CTNND2: variants seen among roughly 807,000 people sequenced by gnomAD.
CTNND2 encodes the protein catenin delta 2, also known as catenin delta-2.
In CTNND2, 22 loss-of-function variants were observed where a neutral mutation model predicts 144.4. The ratio of observed to expected loss-of-function variants is 0.15; its 90% CI spans 0.11 to 0.22. The LOEUF is 0.22. Ranked by LOEUF, CTNND2 falls within the 10% of genes least tolerant of loss-of-function variation. CTNND2 has a pLI of 1.00. For synonymous variants in CTNND2, 751 were observed against 695.6 expected (o/e 1.08, Z -1.25); for missense variants, 1,353 against 1,618.8 (o/e 0.84, Z 2.82).
intron 7 of CTNND2, among the ~76,000 whole-genome samples, chr5:11,379,924 T>C (rs1313358173): frequency 1.3e-5 from 2 of 152,144 alleles, no homozygotes; most frequent in Non-Finnish European, 2.9e-5. Flanking sequence ...TACCACTCTG[T>C]CTTTGCTCAA....
intron 1 of CTNND2, among the ~76,000 whole-genome samples, chr5:11,795,536 G>A (rs1171684722): frequency 6.6e-6 from 1 of 152,164 alleles, no homozygotes; most frequent in Non-Finnish European, 1.5e-5. Flanking sequence ...GGAGACCAGT[G>A]AGGAGTCAGA....
chr5:11,654,426 C>CA (rs557087140), intron 2 of CTNND2, among the ~76,000 whole-genome samples: 1 of 151,992 alleles, frequency 6.6e-6, no homozygotes, highest in Non-Finnish European at 1.5e-5. Flanking sequence ...TTATACTTCT[C>CA]AGAGTATAGA....
chr5:11,795,190 C>T (rs1183045497), intron 1 of CTNND2, among the ~76,000 whole-genome samples: 2 of 152,142 alleles, frequency 1.3e-5, no homozygotes, highest in Admixed American at 6.5e-5. Flanking sequence ...AGCCTTACTG[C>T]CCACAGGGTG....
chr5:11,095,464 T>G (rs1364281981), intron 15 of CTNND2, among the ~76,000 whole-genome samples: 1 of 152,220 alleles, frequency 6.6e-6, no homozygotes. Context: ...TCTTATTGAC[T>G]AGTAGACATT....
At position 11,285,799 on chromosome 5, in the gene CTNND2, A is replaced by G. The variant is rs116047483; in HGVS notation, c.1629-48976T>C. Among the ~76,000 whole-genome samples the G allele has an allele frequency of 8.5e-3, 689 of 81,354 alleles. 2 individuals are homozygous for G. Among genetic ancestry groups the G allele is most frequent in the African/African-American group, 0.031 (656 of 21,410 alleles). The allele number at this position is 81,354 out of a possible 152,430, so 53.4% of individuals were successfully genotyped here. ...GCCTTTCCTGCTACCCATAGGAACT[A>G]AGGAGGTGGTTGAGAGTTAAAAGCC... On this transcript the variant is annotated intron_variant, in intron 9 of 21. Transcript: ENST00000304623.
intron 13 of CTNND2, among the ~76,000 whole-genome samples, chr5:11,117,191 C>T (rs943015122): frequency 2.0e-5 from 3 of 151,348 alleles, no homozygotes; most frequent in Admixed American, 6.6e-5. Flanking sequence ...ATACACTCAA[C>T]TGGAACACCT....
At chr5:11,555,182 G>A (rs371694167) in intron 3 of CTNND2, among the ~76,000 whole-genome samples, 15 of 152,072 alleles carry the variant, frequency 9.9e-5, no homozygotes, top group African/African-American at 3.1e-4. Flanking sequence ...CACTGGTTTC[G>A]CATATGCTTG....
chr5:11,024,580 A>G (rs1742622783), intron 16 of CTNND2, among the ~76,000 whole-genome samples: 1 of 152,188 alleles, frequency 6.6e-6, no homozygotes, highest in Non-Finnish European at 1.5e-5. Flanking sequence ...TTATAAGGAA[A>G]GTGATGAAGG....
intron 19 of CTNND2, among the ~76,000 whole-genome samples, chr5:10,991,010 A>G (rs1738613681): frequency 6.6e-6 from 1 of 152,198 alleles, no homozygotes; most frequent in African/African-American, 2.4e-5. Flanking sequence ...TATCTTTTTA[A>G]GCCTGCTGGA....
At chr5:11,734,887 T>TA (rs1473046970) in intron 1 of CTNND2, among the ~76,000 whole-genome samples, 1 of 152,230 alleles carries the variant, frequency 6.6e-6, no homozygotes, top group East Asian at 1.9e-4. Flanking sequence ...TTATTTGTTT[T>TA]AATTTTATGA....
intron 9 of CTNND2, among the ~76,000 whole-genome samples, chr5:11,264,868 T>C (rs1341518787): frequency 2.0e-5 from 3 of 151,902 alleles, no homozygotes; most frequent in Non-Finnish European, 2.9e-5. Flanking sequence ...GAGGCGGAGG[T>C]TGCAGTGAGC....
intron 12 of CTNND2, among the ~76,000 whole-genome samples, chr5:11,151,841 T>A (rs906594115): frequency 2.6e-5 from 4 of 152,188 alleles, no homozygotes; most frequent in African/African-American, 9.7e-5. Flanking sequence ...CAAAATAGTG[T>A]TTGGGAAGAA....
chr5:11,326,961 T>C (rs939106353), intron 9 of CTNND2, among the ~76,000 whole-genome samples: 1 of 152,140 alleles, frequency 6.6e-6, no homozygotes, highest in African/African-American at 2.4e-5. Context: ...TAGAGAATGG[T>C]CTTACATCTG....
intron 16 of CTNND2, among the ~76,000 whole-genome samples, chr5:11,023,194 G>A (rs1742464780): frequency 6.6e-6 from 1 of 152,198 alleles, no homozygotes; most frequent in African/African-American, 2.4e-5. Context: ...TCTGCTGCTA[G>A]ATTGACCTGG....
At chr5:11,541,205 A>G (rs1774700041) in intron 3 of CTNND2, among the ~76,000 whole-genome samples, 1 of 152,138 alleles carries the variant, frequency 6.6e-6, no homozygotes, top group Admixed American at 6.5e-5. Flanking sequence ...CAATCAAATC[A>G]GGCTCCCTGA....
chr5:11,371,878 A>C (rs2149782557), intron 7 of CTNND2, among the ~76,000 whole-genome samples: 1 of 152,348 alleles, frequency 6.6e-6, no homozygotes, highest in East Asian at 1.9e-4. Context: ...ACTGAAACCA[A>C]ATAATTCCAG....
chr5:11,233,658 G>C (rs1236821310), intron 10 of CTNND2, among the ~76,000 whole-genome samples: 1 of 152,086 alleles, frequency 6.6e-6, no homozygotes, highest in Non-Finnish European at 1.5e-5. Flanking sequence ...TTTGATCTTG[G>C]AGTGAGGATG....
intron 3 of CTNND2, among the ~76,000 whole-genome samples, chr5:11,560,081 G>A (rs893159283): frequency 2.0e-5 from 3 of 152,136 alleles, no homozygotes; most frequent in African/African-American, 7.2e-5. Flanking sequence ...TTGACGAAGT[G>A]GAGACAATGA....
intron 2 of CTNND2, among the ~76,000 whole-genome samples, chr5:11,648,167 A>C (rs1782460898): frequency 7.0e-6 from 1 of 143,296 alleles, no homozygotes. Flanking sequence ...CAGAGAGAAC[A>C]GTGACTTTTT....
Sources: gnomAD v4.1 joint callset for allele counts (sites outside exome capture counted in the v4.1 genomes callset) on GRCh38, gnomAD v4.1.1 for gene constraint, MANE v1.5 for transcripts, NCBI Gene and HGNC (gene_info 2026-07-23, HGNC 2026-07-21) for gene names.